The following PDE4D variants were observed in gnomAD, a reference collection of about 807,000 sequenced individuals.
The protein encoded by PDE4D is 3',5'-cyclic-AMP phosphodiesterase 4D.
Under a neutral mutation model 87.4 loss-of-function variants are expected in PDE4D, and 24 were observed. The ratio of observed to expected loss-of-function variants is 0.27; its 90% CI spans 0.20 to 0.39. The LOEUF (loss-of-function observed/expected upper bound fraction) is 0.39, where lower values mean the gene tolerates loss of function less well. Among genes scored for constraint, PDE4D ranks in the 10% least tolerant of loss-of-function variants. The pLI is 1.00. For synonymous variants in PDE4D, 384 were observed against 383.2 expected (o/e 1.00, Z -0.02); for missense variants, 714 against 1,041.0 (o/e 0.69, Z 4.32).
At chr5:59,517,911 A>G (rs1443397515) in intron 1 of PDE4D, among the ~76,000 whole-genome samples, 4 of 152,226 alleles carry the variant, frequency 2.6e-5, no homozygotes, top group Admixed American at 6.5e-5. Flanking sequence ...AGATAATGCT[A>G]ATACCATTTA....
At chr5:59,681,090 T>C (rs1748920694) in intron 1 of PDE4D, among the ~76,000 whole-genome samples, 1 of 152,078 alleles carries the variant, frequency 6.6e-6, no homozygotes, top group African/African-American at 2.4e-5. Flanking sequence ...CATTCTTTAC[T>C]GAAAGGAAAC....
intron 5 of PDE4D, among the ~76,000 whole-genome samples, chr5:59,058,571 C>T (rs1245637003): frequency 1.3e-5 from 2 of 152,096 alleles, no homozygotes; most frequent in African/African-American, 4.8e-5. Context: ...GGTTTGAATG[C>T]TAAATCATCT....
At chr5:59,284,978 C>T (rs1424997691) in intron 1 of PDE4D, among the ~76,000 whole-genome samples, 20 of 78,504 alleles carry the variant, frequency 2.5e-4, no homozygotes, top group South Asian at 5.6e-4. Flanking sequence ...AACCAAACAC[C>T]GCATATTCTC....
intron 1 of PDE4D, among the ~76,000 whole-genome samples, chr5:59,345,275 T>C (rs1000335203): frequency 2.0e-5 from 3 of 152,116 alleles, no homozygotes; most frequent in African/African-American, 7.2e-5. Flanking sequence ...CAAGAAATAA[T>C]GTACGGGAAG....
At chr5:59,779,094 G>A (rs1392110645) in intron 1 of PDE4D, among the ~76,000 whole-genome samples, 4 of 151,970 alleles carry the variant, frequency 2.6e-5, no homozygotes, top group Admixed American at 1.3e-4. Flanking sequence ...CCTAGGAGGC[G>A]GAGGTTGCAG....
At chr5:59,438,406 C>T (rs1057455390) in intron 1 of PDE4D, among the ~76,000 whole-genome samples, 1 of 152,158 alleles carries the variant, frequency 6.6e-6, no homozygotes, top group African/African-American at 2.4e-5. Flanking sequence ...GCCCTGTACA[C>T]TGTTCTATAT....
intron 1 of PDE4D, among the ~76,000 whole-genome samples, chr5:60,466,205 T>C (rs1464457129): frequency 1.3e-5 from 2 of 152,124 alleles, no homozygotes; most frequent in Non-Finnish European, 2.9e-5. Flanking sequence ...TTTTAAAACA[T>C]AGGAACGAGA....
intron 1 of PDE4D, among the ~76,000 whole-genome samples, chr5:59,404,733 A>G (rs1423135350): frequency 6.6e-6 from 1 of 151,156 alleles, no homozygotes. Flanking sequence ...TTCTTTCAAT[A>G]GTTTTATAGT....
At chr5:59,117,681 CTTG>C (rs1773831350) in intron 5 of PDE4D, among the ~76,000 whole-genome samples, 1 of 152,050 alleles carries the variant, frequency 6.6e-6, no homozygotes, top group Non-Finnish European at 1.5e-5. Flanking sequence ...GGAACTGGAT[CTTG>C]TTAAGTGTTA....
chr5:60,050,371 G>A (rs902232385), intron 2 of PDE4D, among the ~76,000 whole-genome samples: 6 of 151,924 alleles, frequency 3.9e-5, no homozygotes, highest in African/African-American at 9.7e-5. Context: ...GTTCCTATTC[G>A]GCCATCTTGG....
At chr5:59,586,439 A>C in intron 1 of PDE4D, 1 of 1,581,806 alleles carries the variant, frequency 6.3e-7, no homozygotes, top group Non-Finnish European at 8.6e-7. Context: ...TGATTTTTAC[A>C]GATGAATTCC....
intron 1 of PDE4D, among the ~76,000 whole-genome samples, chr5:60,463,049 C>T (rs114693464): frequency 8.5e-4 from 130 of 152,160 alleles, no homozygotes; most frequent in African/African-American, 3.0e-3. Context: ...CATCAGAAAC[C>T]CCTGCAAACT....
At chr5:59,292,305 A>G (rs925821871) in intron 1 of PDE4D, among the ~76,000 whole-genome samples, 1 of 152,146 alleles carries the variant, frequency 6.6e-6, no homozygotes, top group African/African-American at 2.4e-5. Flanking sequence ...ATAAAAAGCA[A>G]TAACAATTTA....
chr5:59,936,731 G>T (rs1437489778), intron 3 of PDE4D, among the ~76,000 whole-genome samples: 3 of 152,096 alleles, frequency 2.0e-5, no homozygotes, highest in Non-Finnish European at 4.4e-5. Flanking sequence ...CATGTTTAAG[G>T]GATATGGCCC....
At chr5:60,254,355 G>T (rs901866025) in intron 1 of PDE4D, among the ~76,000 whole-genome samples, 2 of 151,830 alleles carry the variant, frequency 1.3e-5, no homozygotes, top group African/African-American at 4.8e-5. Context: ...TTAGAAATAC[G>T]TTGTTCTGTT....
intron 2 of PDE4D, among the ~76,000 whole-genome samples, chr5:60,146,720 C>A (rs1350506779): frequency 6.6e-6 from 1 of 152,062 alleles, no homozygotes; most frequent in Non-Finnish European, 1.5e-5. Context: ...ATATTTGCAT[C>A]CGATATGAAT....
chr5:59,939,370 G>T (rs1219700890), intron 3 of PDE4D, among the ~76,000 whole-genome samples: 1 of 152,162 alleles, frequency 6.6e-6, no homozygotes, highest in African/African-American at 2.4e-5. Flanking sequence ...AGCACCTACT[G>T]TGGGTCAGTG....
intron 5 of PDE4D, among the ~76,000 whole-genome samples, chr5:59,131,759 G>T (rs1241020561): frequency 6.6e-6 from 1 of 152,094 alleles, no homozygotes; most frequent in Non-Finnish European, 1.5e-5. Flanking sequence ...TGAAATCATG[G>T]TTCCAGTATA....
chr5:59,250,755 G>A (rs570340217), intron 1 of PDE4D, among the ~76,000 whole-genome samples: 2 of 152,130 alleles, frequency 1.3e-5, no homozygotes, highest in South Asian at 4.2e-4. Context: ...AAAGCTGGAG[G>A]CATCACCTTG....
Sources: allele counts gnomAD v4.1 joint callset (sites outside exome capture counted in the v4.1 genomes callset), GRCh38; gene constraint gnomAD v4.1.1; transcripts MANE v1.5; gene names NCBI Gene and HGNC (gene_info 2026-07-23, HGNC 2026-07-21).